FIRRM: variants seen among roughly 807,000 people sequenced by gnomAD.
The protein encoded by FIRRM is FIGNL1 interacting regulator of recombination and mitosis.
the FIRRM span, chr1:169,853,182 C>T: frequency 1.6e-6 from 1 of 607,492 alleles, no homozygotes; most frequent in South Asian, 2.1e-5. Context: ...ACATGTGGAA[C>T]AGTCAGGAAC....
chr1:169,809,143 A>G, the FIRRM span, among the ~76,000 whole-genome samples: 514 of 152,330 alleles, frequency 3.4e-3, 2 homozygotes, highest in Non-Finnish European at 6.0e-3. Context: ...AACTTTAAAA[A>G]GAAGTTCTGA....
chr1:169,795,902 T>A, the FIRRM span: 384 of 985,480 alleles, frequency 3.9e-4, 2 homozygotes, highest in Non-Finnish European at 3.7e-4. Context: ...GCTTAGCGCC[T>A]TCTTCGTCCG....
the FIRRM span, among the ~76,000 whole-genome samples, chr1:169,791,157 G>A: frequency 2.7e-4 from 41 of 152,230 alleles, 2 homozygotes; most frequent in East Asian, 7.1e-3. Context: ...AACAGGCCAC[G>A]GACCAGTACT....
At chr1:169,791,626 T>C in the FIRRM span, among the ~76,000 whole-genome samples, 3 of 152,228 alleles carry the variant, frequency 2.0e-5, no homozygotes, top group Non-Finnish European at 4.4e-5. Context: ...CTGTATACAG[T>C]AAATGCTAGT....
chr1:169,825,204 T>C, the FIRRM span, among the ~76,000 whole-genome samples: 10 of 152,242 alleles, frequency 6.6e-5, no homozygotes, highest in African/African-American at 2.4e-4. Flanking sequence ...CTCGCGCTAG[T>C]TTGTTCTCCA....
chr1:169,805,609 C>G, the FIRRM span, among the ~76,000 whole-genome samples: 2 of 152,160 alleles, frequency 1.3e-5, no homozygotes, highest in Admixed American at 6.5e-5. Context: ...GAGTAAAAGC[C>G]TTGCATGAAT....
the FIRRM span, among the ~76,000 whole-genome samples, chr1:169,848,817 G>C: frequency 6.6e-6 from 1 of 152,220 alleles, no homozygotes; most frequent in Non-Finnish European, 1.5e-5. Context: ...AGAAATCGCA[G>C]TGCCTTCTGT....
the FIRRM span, among the ~76,000 whole-genome samples, chr1:169,842,698 A>G: frequency 6.6e-6 from 1 of 152,168 alleles, no homozygotes; most frequent in African/African-American, 2.4e-5. Flanking sequence ...TCTCTCACGC[A>G]GCTTTTTCAG....
the FIRRM span, among the ~76,000 whole-genome samples, chr1:169,845,892 T>C: frequency 1.3e-4 from 20 of 152,372 alleles, no homozygotes; most frequent in African/African-American, 4.8e-4. Flanking sequence ...TGAATGTTTT[T>C]CATGGCATCT....
At chr1:169,853,707 C>T in the FIRRM span, 7 of 1,613,168 alleles carry the variant, frequency 4.3e-6, no homozygotes, top group Non-Finnish European at 5.9e-6. Context: ...TAACTCACAT[C>T]TATTGTCACC....
chr1:169,853,125 C>T, the FIRRM span: 1 of 827,176 alleles, frequency 1.2e-6, no homozygotes, highest in Non-Finnish European at 1.9e-6. Context: ...ATTTAGAGAA[C>T]AGGATTGTGG....
At chr1:169,846,772 T>C in the FIRRM span, among the ~76,000 whole-genome samples, 1 of 152,176 alleles carries the variant, frequency 6.6e-6, no homozygotes, top group Non-Finnish European at 1.5e-5. Flanking sequence ...ACTAAAACTT[T>C]CCACATCAAC....
chr1:169,827,144 C>T, the FIRRM span: 1 of 1,613,734 alleles, frequency 6.2e-7, no homozygotes, highest in Non-Finnish European at 8.5e-7. Flanking sequence ...ATCCACTTAT[C>T]AGTCAGCTGC....
chr1:169,853,145 T>C, the FIRRM span: 1 of 738,342 alleles, frequency 1.4e-6, no homozygotes, highest in South Asian at 1.9e-5. Flanking sequence ...GGGAATATTC[T>C]TATTAAGAAC....
the FIRRM span, among the ~76,000 whole-genome samples, chr1:169,789,848 G>A: frequency 1.3e-5 from 2 of 152,172 alleles, no homozygotes; most frequent in African/African-American, 4.8e-5. Context: ...CAGAAAATAG[G>A]TGAATAAATA....
chr1:169,790,593 C>T, the FIRRM span, among the ~76,000 whole-genome samples: 4 of 152,136 alleles, frequency 2.6e-5, no homozygotes, highest in African/African-American at 9.7e-5. Context: ...AGATTGTGTC[C>T]TGAGCCCCTA....
chr1:169,837,673 A>T, the FIRRM span, among the ~76,000 whole-genome samples: 1 of 152,288 alleles, frequency 6.6e-6, no homozygotes, highest in Admixed American at 6.5e-5. Flanking sequence ...TTTATGTGCC[A>T]CTTTGTTCTA....
chr1:169,793,745 G>A, the FIRRM span: 1 of 1,477,822 alleles, frequency 6.8e-7, no homozygotes, highest in Non-Finnish European at 9.1e-7. Context: ...TCAACTTCTG[G>A]ATAGAATTTG....
the FIRRM span, among the ~76,000 whole-genome samples, chr1:169,827,366 A>C: frequency 6.6e-6 from 1 of 152,274 alleles, no homozygotes; most frequent in East Asian, 1.9e-4. Flanking sequence ...GGCTGGGCAC[A>C]GTGAATCACA....
Sources: gnomAD v4.1 joint callset for allele counts (sites outside exome capture counted in the v4.1 genomes callset) on GRCh38, gnomAD v4.1.1 for gene constraint, MANE v1.5 for transcripts, NCBI Gene and HGNC (gene_info 2026-07-23, HGNC 2026-07-21) for gene names.